Variants in SPIDR observed in about 807,000 individuals in gnomAD.
The protein encoded by SPIDR is scaffold protein involved in DNA repair, also known as DNA repair-scaffolding protein.
SPIDR carries 93 observed loss-of-function variants against 104.6 expected under a neutral mutation model. That is an observed-to-expected ratio of 0.89 (90% confidence interval 0.75 to 1.06). The LOEUF (loss-of-function observed/expected upper bound fraction) is 1.06. SPIDR is among the 50% of genes least tolerant of loss of function. SPIDR has a pLI of 0.00. For synonymous variants in SPIDR, 431 were observed against 416.9 expected, an observed-to-expected ratio of 1.03 and a Z score of -0.41; for missense variants, 1,154 against 1,111.2, an observed-to-expected ratio of 1.04 and a Z score of -0.55.
At chr8:47,321,856 A>G (rs996328076) in intron 5 of SPIDR, among the ~76,000 whole-genome samples, 3 of 152,194 alleles carry the variant, frequency 2.0e-5, no homozygotes, top group Non-Finnish European at 2.9e-5. Flanking sequence ...ACGATTCCCT[A>G]TTTAATAAAT....
At chr8:47,682,244 ATGC>A (rs2154475852) in intron 11 of SPIDR, among the ~76,000 whole-genome samples, 1 of 144,154 alleles carries the variant, frequency 6.9e-6, no homozygotes, top group East Asian at 2.1e-4. Flanking sequence ...CAAAAACATG[ATGC>A]TAAGTCCAAA....
chr8:47,723,217 T>C (rs1023820526), intron 16 of SPIDR, among the ~76,000 whole-genome samples: 1 of 152,188 alleles, frequency 6.6e-6, no homozygotes, highest in African/African-American at 2.4e-5. Context: ...TTTTGTTCAC[T>C]CCGATAGTCT....
At chr8:47,725,894 GA>G (rs1456187112) in intron 16 of SPIDR, among the ~76,000 whole-genome samples, 1 of 152,238 alleles carries the variant, frequency 6.6e-6, no homozygotes, top group Non-Finnish European at 1.5e-5. Flanking sequence ...GGATAAAAAG[GA>G]ACTTTGGCTG....
chr8:47,686,424 T>C (rs182752476), intron 11 of SPIDR, among the ~76,000 whole-genome samples: 70 of 152,346 alleles, frequency 4.6e-4, no homozygotes, highest in African/African-American at 1.6e-3. Context: ...AATACTTAAA[T>C]CTTTATAATT....
At chr8:47,297,714 T>G (rs2041156340) in intron 5 of SPIDR, among the ~76,000 whole-genome samples, 1 of 152,134 alleles carries the variant, frequency 6.6e-6, no homozygotes, top group Admixed American at 6.5e-5. Context: ...GCTGTTTGGT[T>G]TTTTGTCCTT....
At chr8:47,732,501 C>G (rs979447617) in intron 19 of SPIDR, 2 of 369,310 alleles carry the variant, frequency 5.4e-6, no homozygotes, top group African/African-American at 4.1e-5. Context: ...AGGGCCAATA[C>G]CAGTGGACTG....
chr8:47,473,491 T>C (rs1406982455), intron 8 of SPIDR, among the ~76,000 whole-genome samples: 1 of 152,182 alleles, frequency 6.6e-6, no homozygotes, highest in Non-Finnish European at 1.5e-5. Flanking sequence ...TTCCCACCCC[T>C]GGTCTGCCTG....
chr8:47,331,977 T>A (rs2048780790), intron 5 of SPIDR, among the ~76,000 whole-genome samples: 1 of 66,318 alleles, frequency 1.5e-5, no homozygotes, highest in African/African-American at 7.9e-5. Flanking sequence ...TTTTTTTTTT[T>A]TTTTTTTTTC....
chr8:47,261,131 C>T, intron 1 of SPIDR, 140 bp downstream of exon 1: 4 of 1,009,746 alleles, frequency 4.0e-6, no homozygotes, highest in Non-Finnish European at 5.0e-6. Flanking sequence ...TGGCGGGTCC[C>T]GTCTGCGCGC....
At chr8:47,340,516 C>T (rs569886937) in intron 5 of SPIDR, among the ~76,000 whole-genome samples, 27 of 152,138 alleles carry the variant, frequency 1.8e-4, no homozygotes, top group Non-Finnish European at 3.2e-4. Context: ...GTGGGAGAAT[C>T]ACTTGAACCC....
chr8:47,602,121 C>T (rs893366596), intron 10 of SPIDR, among the ~76,000 whole-genome samples: 4 of 152,156 alleles, frequency 2.6e-5, no homozygotes, highest in South Asian at 2.1e-4. Flanking sequence ...ACATGTAGCA[C>T]GAATATTATT....
chr8:47,656,360 A>T (rs927207246), intron 10 of SPIDR, among the ~76,000 whole-genome samples: 6 of 152,234 alleles, frequency 3.9e-5, no homozygotes, highest in African/African-American at 9.6e-5. Flanking sequence ...AAAAATTCAA[A>T]TAGACATTTA....
chr8:47,415,748 G>C (rs1467717572), intron 7 of SPIDR, among the ~76,000 whole-genome samples: 1 of 152,138 alleles, frequency 6.6e-6, no homozygotes, highest in African/African-American at 2.4e-5. Context: ...ACAAATTTCT[G>C]TTGCTTCGAA....
At chr8:47,659,221 G>T (rs1475376001) in intron 10 of SPIDR, among the ~76,000 whole-genome samples, 1 of 152,126 alleles carries the variant, frequency 6.6e-6, no homozygotes, top group African/African-American at 2.4e-5. Flanking sequence ...ATGACAGCAC[G>T]GTACTCCAGC....
chr8:47,492,781 C>T (rs1106607), intron 8 of SPIDR, among the ~76,000 whole-genome samples: 2 of 151,942 alleles, frequency 1.3e-5, no homozygotes, highest in Non-Finnish European at 2.9e-5. Flanking sequence ...TGTTAGAGCC[C>T]GCTTCTCAGT....
chr8:47,461,619 TTTAA>T (rs1249403647), intron 8 of SPIDR, among the ~76,000 whole-genome samples: 22 of 152,178 alleles, frequency 1.4e-4, no homozygotes, highest in Non-Finnish European at 7.3e-5. Context: ...CTGTTTGTTT[TTTAA>T]TTATTTTTTC....
chr8:47,557,333 A>G (rs2091442348), intron 8 of SPIDR, among the ~76,000 whole-genome samples: 1 of 152,046 alleles, frequency 6.6e-6, no homozygotes, highest in Non-Finnish European at 1.5e-5. Context: ...AACCCTAGGA[A>G]CCTACGTCTT....
intron 10 of SPIDR, among the ~76,000 whole-genome samples, chr8:47,599,667 C>T (rs992010901): frequency 2.6e-5 from 4 of 152,162 alleles, no homozygotes; most frequent in African/African-American, 9.7e-5. Flanking sequence ...ATGTAAATGT[C>T]GTCTGTCTGC....
chr8:47,499,360 C>G (rs547509103), intron 8 of SPIDR, among the ~76,000 whole-genome samples: 67 of 152,230 alleles, frequency 4.4e-4, no homozygotes, highest in African/African-American at 1.6e-3. Context: ...CAGACAGTTT[C>G]TTAGAGCTTT....
Sources: gnomAD v4.1 joint callset for allele counts (sites outside exome capture counted in the v4.1 genomes callset) on GRCh38, gnomAD v4.1.1 for gene constraint, MANE v1.5 for transcripts, NCBI Gene and HGNC (gene_info 2026-07-23, HGNC 2026-07-21) for gene names.